The following RALYL variants were observed in gnomAD, a reference collection of about 807,000 sequenced individuals.
RALYL encodes RALY RNA binding protein like, also known as RNA-binding Raly-like protein.
A neutral mutation model predicts 35.1 loss-of-function variants in RALYL; 29 were observed. The observed-to-expected ratio is 0.83, with a 90% CI of 0.61 to 1.13. The LOEUF is 1.13. RALYL is among the 50% of genes most tolerant of loss of function. The pLI is 0.00. For missense variants in RALYL, 359 were observed against 360.4 expected (o/e 1.00, Z 0.03); for synonymous variants, 120 against 127.6 (o/e 0.94, Z 0.40).
chr8:84,558,858 GAA>G (rs2061304632), intron 2 of RALYL, among the ~76,000 whole-genome samples: 1 of 152,030 alleles, frequency 6.6e-6, no homozygotes, highest in East Asian at 1.9e-4. Flanking sequence ...CAGGGCACCT[GAA>G]ACACATCATT....
chr8:84,615,570 CTTTTTTTTTT>C lies in RALYL; in HGVS notation c.256+86014_256+86023del, dbSNP rs60428128. ...GAGAGCCTGACTATAGAACTTTCGT[CTTTTTTTTTT>C]TTTTTTTTTTTTTTTTTTTTACTTA... On this transcript the variant is annotated intron_variant, in intron 2 of 8. Transcript: ENST00000521268. 6.9e-3 allele frequency among the ~76,000 whole-genome samples: 465 copies of C among 67,400 alleles called. 10 individuals carry two copies. The highest frequency in any genetic ancestry group is 0.025 in the African/African-American group (394 of 15,518). 44.2% of individuals were successfully genotyped at this position (67,400 alleles called of 152,430 possible).
At chr8:84,503,750 G>C (rs2056917475) in intron 1 of RALYL, among the ~76,000 whole-genome samples, 1 of 150,422 alleles carries the variant, frequency 6.6e-6, no homozygotes, top group Non-Finnish European at 1.5e-5. Context: ...TCTGAAGGCT[G>C]AGGCAGGAGA....
At chr8:84,298,765 C>T (rs1205460503) in intron 1 of RALYL, among the ~76,000 whole-genome samples, 1 of 152,014 alleles carries the variant, frequency 6.6e-6, no homozygotes, top group Non-Finnish European at 1.5e-5. Context: ...TTGTAGAGAT[C>T]TTTCGCCTCC....
intron 1 of RALYL, among the ~76,000 whole-genome samples, chr8:84,438,960 A>G (rs1322277720): frequency 1.3e-5 from 2 of 151,180 alleles, no homozygotes; most frequent in Non-Finnish European, 2.9e-5. Context: ...TTTTTTTATC[A>G]GTACCAACGT....
chr8:84,608,985 A>G (rs535751355), intron 2 of RALYL, among the ~76,000 whole-genome samples: 89 of 152,166 alleles, frequency 5.8e-4, no homozygotes, highest in Middle Eastern at 3.4e-3. Flanking sequence ...AGTTGAAGCA[A>G]TTTGCCCCCA....
intron 7 of RALYL, among the ~76,000 whole-genome samples, chr8:84,884,224 A>T (rs1331477476): frequency 6.6e-6 from 1 of 152,052 alleles, no homozygotes; most frequent in East Asian, 1.9e-4. Context: ...CTTTCCAGGA[A>T]GCTTAAACAC....
At chr8:84,648,244 T>C (rs1827918954) in intron 2 of RALYL, among the ~76,000 whole-genome samples, 1 of 152,128 alleles carries the variant, frequency 6.6e-6, no homozygotes, top group Non-Finnish European at 1.5e-5. Context: ...AAGTTTTCAT[T>C]AGCAATTAGA....
intron 1 of RALYL, among the ~76,000 whole-genome samples, chr8:84,279,378 G>A (rs1213640411): frequency 6.6e-6 from 1 of 152,168 alleles, no homozygotes; most frequent in Admixed American, 6.5e-5. Flanking sequence ...AGGTAAGTTT[G>A]ATGTCCATAT....
At chr8:84,219,785 A>C (rs1487723092) in intron 1 of RALYL, among the ~76,000 whole-genome samples, 2 of 152,022 alleles carry the variant, frequency 1.3e-5, no homozygotes, top group Non-Finnish European at 2.9e-5. Flanking sequence ...TAGGACCTAT[A>C]AGGTAAGGAA....
At chr8:84,864,321 C>A (rs924063363) in intron 6 of RALYL, among the ~76,000 whole-genome samples, 1 of 152,002 alleles carries the variant, frequency 6.6e-6, no homozygotes, top group African/African-American at 2.4e-5. Flanking sequence ...TATTTTTTAG[C>A]AGCAATCATT....
chr8:84,453,963 C>T (rs1250050611), intron 1 of RALYL, among the ~76,000 whole-genome samples: 4 of 151,970 alleles, frequency 2.6e-5, no homozygotes, highest in Non-Finnish European at 5.9e-5. Flanking sequence ...CAATCTCAAA[C>T]ATGAAAGGTG....
chr8:84,755,926 T>G (rs1811286856), intron 2 of RALYL, among the ~76,000 whole-genome samples: 1 of 151,950 alleles, frequency 6.6e-6, no homozygotes, highest in South Asian at 2.1e-4. Context: ...ACAATGCCAT[T>G]AAGCTAAAAG....
rs535844155 is a variant in RALYL, at chr8:84,439,202, T to C, written c.-23-90097T>C. On this transcript the variant is annotated intron_variant, in intron 1 of 8. Coordinates refer to ENST00000521268, the MANE Select transcript of RALYL (RefSeq NM_173848.7). ...GTATGGTTGTTTTAGTGATATTGATTCTTCAAATCCATGAACATGGAATGT... is the reference window on the plus strand; with the variant it reads ...GTATGGTTGTTTTAGTGATATTGATCCTTCAAATCCATGAACATGGAATGT... Among the ~76,000 whole-genome samples, 4 of 152,286 alleles carry C rather than the reference T, an allele frequency of 2.6e-5. No homozygotes were observed. In the East Asian group the frequency reaches 7.7e-4, roughly 29 times the overall value.
intron 2 of RALYL, among the ~76,000 whole-genome samples, chr8:84,711,570 T>C (rs1589142335): frequency 2.0e-5 from 3 of 152,234 alleles, no homozygotes; most frequent in South Asian, 4.1e-4. Context: ...AATCTTCCTA[T>C]GAGAAAAAGT....
At chr8:84,282,989 C>T (rs1003904895) in intron 1 of RALYL, among the ~76,000 whole-genome samples, 1 of 151,608 alleles carries the variant, frequency 6.6e-6, no homozygotes, top group Non-Finnish European at 1.5e-5. Flanking sequence ...AGATAATCCA[C>T]ATGGAAATAT....
chr8:84,755,831 A>G (rs923163337), intron 2 of RALYL, among the ~76,000 whole-genome samples: 1 of 151,922 alleles, frequency 6.6e-6, no homozygotes, highest in Non-Finnish European at 1.5e-5. Context: ...ATGTTTTGTA[A>G]CTTGACAGCT....
intron 2 of RALYL, among the ~76,000 whole-genome samples, chr8:84,638,965 G>GACACACACACAC (rs60361195): frequency 3.2e-4 from 37 of 116,040 alleles, no homozygotes; most frequent in African/African-American, 1.2e-3. Flanking sequence ...CACACACACA[G>GACACACACACAC]ACACACACAC....
Position 84,672,229 on chromosome 8 carries a change from A to G in RALYL, c.257-102350A>G, listed in dbSNP as rs77943927. ...GGAGTCACTTTTACTCCATTTCCCA[A>G]CAAGTTCCTCATCTCCATCAGAGAC... is the stretch of plus-strand genomic sequence containing the variant. On this transcript the variant is annotated intron_variant, in intron 2 of 8. Transcript: ENST00000521268. Among the ~76,000 whole-genome samples the G allele has an allele frequency of 1.5e-3, 234 of 152,288 alleles. 3 individuals carry two copies. The East Asian group carries it at 0.042, about 28-fold the overall frequency.
At chr8:84,463,066 T>C (rs2051000901) in intron 1 of RALYL, among the ~76,000 whole-genome samples, 1 of 152,018 alleles carries the variant, frequency 6.6e-6, no homozygotes, top group African/African-American at 2.4e-5. Flanking sequence ...ATTTGTACTC[T>C]TAAATGTCAT....
Sources: allele counts gnomAD v4.1 joint callset (sites outside exome capture counted in the v4.1 genomes callset), GRCh38; gene constraint gnomAD v4.1.1; transcripts MANE v1.5; gene names NCBI Gene and HGNC (gene_info 2026-07-23, HGNC 2026-07-21).